The following TSPAN9 variants were observed in gnomAD, a reference collection of about 807,000 sequenced individuals.
TSPAN9 encodes the protein tetraspanin-9.
In TSPAN9, 16 loss-of-function variants were observed where a neutral mutation model predicts 31.0. The ratio of observed to expected loss-of-function variants is 0.52; its 90% CI spans 0.35 to 0.78. The LOEUF (loss-of-function observed/expected upper bound fraction) is 0.78. TSPAN9 is among the 30% of genes least tolerant of loss of function. The pLI is 0.01. For synonymous variants in TSPAN9, 145 were observed against 121.6 expected, an observed-to-expected ratio of 1.19 and a Z score of -1.27; for missense variants, 272 against 312.5, an observed-to-expected ratio of 0.87 and a Z score of 0.98.
rs922551268 is a variant in TSPAN9 at position 3,093,063 on chromosome 12, C to A, written c.-18+9344C>A. ...ACACGGAAAGCATTCAGAGTCCTGG[C>A]GTTGTCCTGAATCATACACATTGTC... On this transcript the variant is annotated intron_variant, in intron 2 of 8. Transcript: ENST00000011898. Among the ~76,000 whole-genome samples, 30 of 152,112 alleles carry A rather than the reference C, an allele frequency of 2.0e-4. 1 individual carries two copies. The highest frequency in any genetic ancestry group is 6.8e-4 in the African/African-American group (28 of 41,370).
intron 2 of TSPAN9, among the ~76,000 whole-genome samples, chr12:3,137,125 C>T (rs1418010022): frequency 1.3e-5 from 2 of 152,240 alleles, no homozygotes; most frequent in Admixed American, 1.3e-4. Context: ...ACCTTCCAAA[C>T]TAAGGGGCAG....
At chr12:3,101,231 A>G (rs1350803239) in intron 2 of TSPAN9, among the ~76,000 whole-genome samples, 3 of 152,150 alleles carry the variant, frequency 2.0e-5, no homozygotes, top group African/African-American at 7.2e-5. Context: ...TGAGGACTGA[A>G]CTTAGGACTC....
In TSPAN9 at chr12:3,253,192, G is replaced by T. The variant is rs553569983; in HGVS notation, c.64-25229G>T. Among the ~76,000 whole-genome samples the T allele has an allele frequency of 2.0e-5, 3 of 152,262 alleles. No individual in the cohort carries two copies. In the South Asian group the frequency reaches 6.2e-4, roughly 32 times the overall value. ...GTATTACAGTCTCTCTCTCCCACCA[G>T]CCCAAGCCTGCCCTAAGCAGGCCCG... On this transcript the variant is annotated intron_variant, in intron 3 of 8. Transcript: ENST00000011898.
intron 3 of TSPAN9, chr12:3,272,773 G>A (rs945778402): frequency 2.0e-4 from 31 of 152,284 alleles, no homozygotes; most frequent in African/African-American, 7.2e-4. Flanking sequence ...TCAGGACGGG[G>A]AAGCCCGAAG....
chr12:3,248,034 C>T (rs1190013909), intron 3 of TSPAN9, among the ~76,000 whole-genome samples: 2 of 152,188 alleles, frequency 1.3e-5, no homozygotes, highest in Non-Finnish European at 2.9e-5. Context: ...GTCTGCTTGC[C>T]CCTTTCCCAG....
At chr12:3,108,839 T>G (rs1233504490) in intron 2 of TSPAN9, among the ~76,000 whole-genome samples, 1 of 152,200 alleles carries the variant, frequency 6.6e-6, no homozygotes, top group African/African-American at 2.4e-5. Context: ...TTTCGAAGTA[T>G]TTGTCTTTTA....
At chr12:3,250,059 G>A (rs972982835) in intron 3 of TSPAN9, among the ~76,000 whole-genome samples, 16 of 152,174 alleles carry the variant, frequency 1.1e-4, no homozygotes, top group Admixed American at 1.3e-4. Flanking sequence ...ATCGGGCATG[G>A]ATGGTGGGTG....
intron 3 of TSPAN9, among the ~76,000 whole-genome samples, chr12:3,248,321 A>G (rs1483558330): frequency 6.6e-6 from 1 of 152,204 alleles, no homozygotes; most frequent in East Asian, 1.9e-4. Flanking sequence ...GACATGGGAT[A>G]GAGTTTGTGA....
At chr12:3,263,350 G>T (rs1417196054) in intron 3 of TSPAN9, among the ~76,000 whole-genome samples, 1 of 152,244 alleles carries the variant, frequency 6.6e-6, no homozygotes, top group Non-Finnish European at 1.5e-5. Context: ...GAGCCGTGTT[G>T]TTTGGGCTTC....
intron 2 of TSPAN9, among the ~76,000 whole-genome samples, chr12:3,189,563 T>G (rs149268941): frequency 6.2e-4 from 95 of 152,250 alleles, no homozygotes; most frequent in Non-Finnish European, 1.3e-3. Flanking sequence ...GGAACAGACC[T>G]GGGCTGGAGC....
At chr12:3,153,457 A>G (rs1312864762) in intron 2 of TSPAN9, among the ~76,000 whole-genome samples, 4 of 151,966 alleles carry the variant, frequency 2.6e-5, no homozygotes, top group Middle Eastern at 3.2e-3. Flanking sequence ...TTTGTGTTCT[A>G]TTTGCTTTCT....
chr12:3,128,461 C>T (rs1183098254), intron 2 of TSPAN9, among the ~76,000 whole-genome samples: 1 of 152,168 alleles, frequency 6.6e-6, no homozygotes, highest in African/African-American at 2.4e-5. Flanking sequence ...CGTGGTGGTG[C>T]AGCTGTAGTC....
At position 3,237,675 on chromosome 12, in the gene TSPAN9, A is replaced by G. The variant is rs1193584242; in HGVS notation, c.63+36419A>G. 4.6e-5 allele frequency among the ~76,000 whole-genome samples: 7 copies of G among 152,156 alleles called. No individual in the cohort carries two copies. The East Asian group carries it at 1.4e-3, about 29-fold the overall frequency. On this transcript the variant is annotated intron_variant, in intron 3 of 8. Coordinates refer to ENST00000011898, the MANE Select transcript of TSPAN9 (RefSeq NM_006675.5). The stretch of plus-strand genomic sequence containing the variant: ...AAACCTGATTGATCTCTCCAGAACA[A>G]ATGGCAGTTTTATGATGTAGGGTTT...
intron 3 of TSPAN9, among the ~76,000 whole-genome samples, chr12:3,247,308 C>A (rs1157646703): frequency 1.2e-4 from 6 of 50,896 alleles, no homozygotes; most frequent in East Asian, 3.9e-4. Flanking sequence ...AGCCCCCCCC[C>A]CCCCGCCACC....
At chr12:3,202,087 G>C (rs1174368832) in intron 3 of TSPAN9, among the ~76,000 whole-genome samples, 1 of 152,244 alleles carries the variant, frequency 6.6e-6, no homozygotes, top group African/African-American at 2.4e-5. Context: ...ATTGCTCTCT[G>C]TCCTCTGTGT....
intron 2 of TSPAN9, among the ~76,000 whole-genome samples, chr12:3,144,366 G>T (rs1431848236): frequency 6.6e-6 from 1 of 152,208 alleles, no homozygotes; most frequent in Non-Finnish European, 1.5e-5. Context: ...CTCCCAAAGT[G>T]CTGGGGTTAC....
chr12:3,269,388 G>C (rs4990115), intron 3 of TSPAN9, among the ~76,000 whole-genome samples: 297 of 17,688 alleles, frequency 0.017, 5 homozygotes, highest in Middle Eastern at 0.038. Context: ...CCTGCCCTCC[G>C]TGCGTTCCTG....
chr12:3,201,305 G>A (rs201985205), intron 3 of TSPAN9, 49 bp downstream of exon 3: 1 of 1,554,534 alleles, frequency 6.4e-7, no homozygotes, highest in East Asian at 2.2e-5. Flanking sequence ...CCTCCTCTTG[G>A]CTTACCATAG....
intron 2 of TSPAN9, among the ~76,000 whole-genome samples, chr12:3,104,876 A>G (rs1336465968): frequency 6.6e-6 from 1 of 152,210 alleles, no homozygotes; most frequent in Non-Finnish European, 1.5e-5. Context: ...ACTCTTGTCC[A>G]TATTTCCAGA....
Sources: allele counts gnomAD v4.1 joint callset (sites outside exome capture counted in the v4.1 genomes callset), GRCh38; gene constraint gnomAD v4.1.1; transcripts MANE v1.5; gene names NCBI Gene and HGNC (gene_info 2026-07-23, HGNC 2026-07-21).